Variants in P2RY11 observed in about 807,000 individuals in gnomAD.
P2RY11 encodes the protein purinergic receptor P2Y11.
P2RY11 carries 3 observed loss-of-function variants against 2.4 expected under a neutral mutation model. The observed-to-expected ratio is 1.22, with a 90% CI of 0.56 to 3.17. The LOEUF (loss-of-function observed/expected upper bound fraction) is 3.17, where lower values mean the gene tolerates loss of function less well. Ranked by LOEUF, P2RY11 falls within the 30% of genes most tolerant of loss-of-function variation. The pLI, the probability that P2RY11 is intolerant of heterozygous loss-of-function variation, is 0.03. For missense variants in P2RY11, 670 were observed against 528.2 expected, an observed-to-expected ratio of 1.27 and a Z score of -2.63; for synonymous variants, 307 against 237.3, an observed-to-expected ratio of 1.29 and a Z score of -2.70.
In P2RY11 at chr19:10,113,872, G is replaced by A. The variant is rs3745601; in HGVS notation, c.259G>A (p.Ala87Thr). The A allele has an allele frequency of 0.13, 205,817 of 1,609,842 alleles. 15,102 individuals are homozygous for A. The highest frequency in any genetic ancestry group is 0.32 in the East Asian group (14,333 of 44,804). The change falls in exon 2 of 2, where the codon GCC becomes ACC. Residue 87 changes from alanine (A) to threonine (T), a missense_variant. Coordinates refer to ENST00000321826, the MANE Select transcript of P2RY11 (RefSeq NM_002566.5). ...CGCCCTGACGCTGCCCCCGCTGGCC[G>A]CCTACCTCTATCCCCCCAAGCACTG... ...LCALTLPPLA[A>T]YLYPPKHWRY...
In P2RY11 at chr19:10,113,635, G is replaced by A. The variant is rs1168622540; in HGVS notation, c.22G>A (p.Ala8Thr). ...CTGGTGACACCTTCTGCCCACAGGT[G>A]CCAAGTCCTGCCCTGCCAACTTCTT... MAANVSG[A>T]KSCPANFLAA... The change falls in exon 2 of 2, where the codon GCC (alanine) becomes ACC (threonine). Residue 8 changes from alanine (A) to threonine (T), a missense_variant and splice_region_variant. By Grantham distance (58) the Ala-to-Thr change is moderately conservative. Transcript: ENST00000321826. The A allele has an allele frequency of 6.2e-7, 1 of 1,607,856 alleles. No homozygotes were observed.
Position 10,113,789 on chromosome 19 carries a change from G to T in P2RY11, c.176G>T (p.Arg59Leu), listed in dbSNP as rs367840044. The stretch of plus-strand genomic sequence containing the variant: ...TACCGCTTCAGCATCCGGAAGCAGC[G>T]CCCATGGCACCCCGCCGTGGTCTTC... Reference protein sequence around the residue: ...ALYRFSIRKQRPWHPAVVFSV... With the variant: ...ALYRFSIRKQLPWHPAVVFSV... The change falls in exon 2 of 2, where the codon CGC becomes CTC. Residue 59 changes from arginine (R) to leucine (L), a missense_variant. Physicochemically the swap from Arg to Leu is moderately radical, Grantham distance 102. Coordinates refer to ENST00000321826, the MANE Select transcript of P2RY11 (RefSeq NM_002566.5). 6.2e-7 allele frequency: 1 copy of T among 1,613,948 alleles called. No individual in the cohort carries two copies. Among genetic ancestry groups the T allele is most frequent in the Admixed American group, 1.7e-5 (1 of 59,988 alleles).
chr19:10,112,222 G>A (rs2089110630), intron 1 of P2RY11: 1 of 161,718 alleles, frequency 6.2e-6, no homozygotes, highest in South Asian at 1.4e-4. Context: ...AGACTGCACT[G>A]AGCTGTGATT....
chr19:10,111,783 T>C (rs760812079), intron 1 of P2RY11, 43 bp downstream of exon 1: 33 of 1,610,604 alleles, frequency 2.0e-5, no homozygotes, highest in Non-Finnish European at 1.2e-5. Context: ...GTCTGCAGAT[T>C]GTCAGGAGGT....
Position 10,114,763 on chromosome 19 carries a change from T to TC in P2RY11, c.*26dup, listed in dbSNP as rs758996322. The TC allele has an allele frequency of 1.9e-6, 3 of 1,577,582 alleles. No homozygotes were observed. Among genetic ancestry groups the TC allele is most frequent in the Non-Finnish European group, 1.7e-6 (2 of 1,158,768 alleles). On this transcript the variant is annotated 3_prime_UTR_variant, in exon 2 of 2. Coordinates refer to ENST00000321826, the MANE Select transcript of P2RY11 (RefSeq NM_002566.5). ...ATGTGGCCTAGCGGAAGCTGCCTCC[T>TC]CACCCTAGGTGTTGCTGGAGAACCC... is the stretch of plus-strand genomic sequence containing the variant.
chr19:10,113,684 G>GA lies in P2RY11; in HGVS notation c.71_72insA (p.Ser24ArgfsTer15). 6.2e-7 allele frequency: 1 copy of GA among 1,612,192 alleles called. No homozygotes were observed. Among genetic ancestry groups the GA allele is most frequent in the Admixed American group, 1.7e-5 (1 of 59,764 alleles). On this transcript the variant is annotated frameshift_variant, in exon 2 of 2. Coordinates refer to ENST00000321826, the MANE Select transcript of P2RY11 (RefSeq NM_002566.5). LOFTEE classifies it low-confidence loss of function (END_TRUNC). Reference sequence around the variant, plus strand: ...TTGGCAGCTGCCGACGACAAACTCAGTGGGTTCCAGGGGGACTTCCTGTGG... The same window carrying GA: ...TTGGCAGCTGCCGACGACAAACTCAGATGGGTTCCAGGGGGACTTCCTGTGG...
Position 10,114,611 on chromosome 19 carries a change from G to T in P2RY11, c.998G>T (p.Arg333Leu), listed in dbSNP as rs774342796. ...AAVPSLGCCCRHCPGYRDSWN... is the reference protein window; with the variant it reads ...AAVPSLGCCCLHCPGYRDSWN... ...GTGCCCAGCCTGGGCTGCTGCTGCC[G>T]ACACTGCCCCGGCTACAGGGACAGC... Residue 333 changes from arginine (R) to leucine (L), a missense_variant, in exon 2 of 2, where the codon CGA becomes CTA. Arg to Leu is a moderately radical substitution (Grantham distance 102). Coordinates refer to ENST00000321826, the MANE Select transcript of P2RY11 (RefSeq NM_002566.5). 1 of 1,613,934 alleles carries T rather than the reference G, an allele frequency of 6.2e-7. No individual in the cohort carries two copies. The highest frequency in any genetic ancestry group is 2.2e-5 in the East Asian group (1 of 44,880).
intron 1 of P2RY11, 139 bp downstream of exon 1, chr19:10,111,879 AG>A: frequency 5.2e-6 from 5 of 966,804 alleles, no homozygotes; most frequent in Admixed American, 2.1e-5. Context: ...TGGGAGGTCG[AG>A]GGGGGTGGAA....
chr19:10,112,108 C>CAA (rs938295433), intron 1 of P2RY11: 12 of 160,208 alleles, frequency 7.5e-5, no homozygotes, highest in South Asian at 2.3e-4. Context: ...AACTCCATCT[C>CAA]AAAAAAAAAA....
At chr19:10,112,952 A>T (rs1350699196) in intron 1 of P2RY11, among the ~76,000 whole-genome samples, 1 of 151,652 alleles carries the variant, frequency 6.6e-6, no homozygotes, top group Non-Finnish European at 1.5e-5. Flanking sequence ...CAAAAAAAAA[A>T]GTCTGGGTGC....
In P2RY11 at chr19:10,114,382, T is replaced by A; in HGVS notation, c.769T>A (p.Tyr257Asn). 1 of 1,608,220 alleles carries A rather than the reference T, an allele frequency of 6.2e-7. No homozygotes were observed. Among genetic ancestry groups the A allele is most frequent in the South Asian group, 1.1e-5 (1 of 91,088 alleles). Residue 257 changes from tyrosine (Y) to asparagine (N), a missense_variant, in exon 2 of 2, where the codon TAC (tyrosine) becomes AAC (asparagine). Physicochemically the swap from Tyr to Asn is moderately radical, Grantham distance 143. Transcript: ENST00000321826. ...AALVASGVAL[Y>N]ASSYVPYHIM... ...GTTGGTGGCCAGTGGTGTGGCCCTCTACGCCAGCTCCTATGTGCCCTACCA... is the reference window on the plus strand; with the variant it reads ...GTTGGTGGCCAGTGGTGTGGCCCTCAACGCCAGCTCCTATGTGCCCTACCA...
At chr19:10,111,781 A>G (rs188331742) in intron 1 of P2RY11, 41 bp downstream of exon 1, 262 of 1,611,470 alleles carry the variant, frequency 1.6e-4, no homozygotes, top group Admixed American at 1.2e-3. Flanking sequence ...GGGTCTGCAG[A>G]TTGTCAGGAG....
In P2RY11 at chr19:10,113,978, G is replaced by C; in HGVS notation, c.365G>C (p.Cys122Ser). The change falls in exon 2 of 2, where the codon TGC (cysteine) becomes TCC (serine). Residue 122 changes from cysteine to serine, a missense_variant. Transcript: ENST00000321826. Reference sequence around the variant, plus strand: ...CTGGGCAGCGTCATCTTCATCACCTGCATCAGCCTCAACCGCTACCTGGGC... The same window carrying C: ...CTGGGCAGCGTCATCTTCATCACCTCCATCAGCCTCAACCGCTACCTGGGC... Reference protein sequence around the residue: ...NLLGSVIFITCISLNRYLGIV... With the variant: ...NLLGSVIFITSISLNRYLGIV... 1 of 1,601,676 alleles carries C rather than the reference G, an allele frequency of 6.2e-7. No individual in the cohort carries two copies. The highest frequency in any genetic ancestry group is 2.2e-5 in the East Asian group (1 of 44,878).
In P2RY11 at chr19:10,114,298, G is replaced by C; in HGVS notation, c.685G>C (p.Gly229Arg). 1.3e-6 allele frequency: 2 copies of C among 1,597,874 alleles called. No homozygotes were observed. Among genetic ancestry groups the C allele is most frequent in the South Asian group, 1.1e-5 (1 of 90,942 alleles). ...LLTLAAYGAL[G>R]RAVLRSPGMT... is the part of the protein sequence containing the mutation. ...CACGCTGGCAGCCTACGGCGCCCTC[G>C]GGCGGGCCGTGCTACGCAGCCCAGG... The change falls in exon 2 of 2, where the codon GGG becomes CGG. Residue 229 changes from glycine to arginine, a missense_variant. Coordinates refer to ENST00000321826, the MANE Select transcript of P2RY11 (RefSeq NM_002566.5).
chr19:10,114,553 T>G lies in P2RY11; in HGVS notation c.940T>G (p.Phe314Val), dbSNP rs374418797. The change falls in exon 2 of 2, where the codon TTC (phenylalanine) becomes GTC (valine). Residue 314 changes from phenylalanine (F) to valine (V), a missense_variant. Phe to Val is a conservative substitution (Grantham distance 50, BLOSUM62 -1). Transcript: ENST00000321826. ...GATGCGGGGCCTCATGCCCCTGGCCTTCTGTGTCCACCCTCTACTCTACAT... is the reference window on the plus strand; with the variant it reads ...GATGCGGGGCCTCATGCCCCTGGCCGTCTGTGTCCACCCTCTACTCTACAT... ...QVMRGLMPLA[F>V]CVHPLLYMAA... The G allele has an allele frequency of 1.2e-5, 19 of 1,612,912 alleles. No homozygotes were observed. The highest frequency in any genetic ancestry group is 2.2e-5 in the South Asian group (2 of 91,068).
chr19:10,113,227 C>A (rs1407772679), intron 1 of P2RY11, among the ~76,000 whole-genome samples: 1 of 152,110 alleles, frequency 6.6e-6, no homozygotes, highest in East Asian at 1.9e-4. Flanking sequence ...TGGGCGGCGG[C>A]GGGTGCCAAG....
At chr19:10,113,226 G>T (rs780459577) in intron 1 of P2RY11, among the ~76,000 whole-genome samples, 4 of 152,202 alleles carry the variant, frequency 2.6e-5, no homozygotes, top group Non-Finnish European at 5.9e-5. Context: ...TTGGGCGGCG[G>T]CGGGTGCCAA....
chr19:10,113,984 G>C lies in P2RY11; in HGVS notation c.371G>C (p.Ser124Thr). 1 of 1,601,578 alleles carries C rather than the reference G, an allele frequency of 6.2e-7. No individual in the cohort carries two copies. Among genetic ancestry groups the C allele is most frequent in the Non-Finnish European group, 8.5e-7 (1 of 1,179,832 alleles). ...AGCGTCATCTTCATCACCTGCATCA[G>C]CCTCAACCGCTACCTGGGCATCGTG... Reference protein sequence around the residue: ...LGSVIFITCISLNRYLGIVHP... With the variant: ...LGSVIFITCITLNRYLGIVHP... Residue 124 changes from serine (S) to threonine (T), a missense_variant, in exon 2 of 2, where the codon AGC becomes ACC. Physicochemically the swap from Ser to Thr is moderately conservative, Grantham distance 58. Coordinates refer to ENST00000321826, the MANE Select transcript of P2RY11 (RefSeq NM_002566.5).
rs994657427 is a variant in P2RY11 at position 10,115,240 on chromosome 19, C to T, written c.*502C>T. The T allele has an allele frequency of 1.2e-5, 17 of 1,410,360 alleles. No homozygotes were observed. The highest frequency in any genetic ancestry group is 2.2e-4 in the Middle Eastern group (1 of 4,480). The allele number at this position is 1,410,360 out of a possible 1,614,324, so 87.4% of individuals were successfully genotyped here. A position where few individuals can be genotyped will look rare whatever the true frequency, so the allele number is the denominator to read the frequency against. The stretch of plus-strand genomic sequence containing the variant: ...GGCAGAGGACGGGGTAATGTGAGGA[C>T]GAAGCGGGCACGGAGCCAGATGGCC... On this transcript the variant is annotated 3_prime_UTR_variant, in exon 2 of 2. Transcript: ENST00000321826.
Sources: gnomAD v4.1 joint callset for allele counts (sites outside exome capture counted in the v4.1 genomes callset) on GRCh38, gnomAD v4.1.1 for gene constraint, MANE v1.5 for transcripts, NCBI Gene and HGNC (gene_info 2026-07-23, HGNC 2026-07-21) for gene names.